The following RRM2 variants were observed in gnomAD, a reference collection of about 807,000 sequenced individuals.
RRM2 encodes ribonucleotide reductase regulatory subunit M2.
Under a neutral mutation model 45.9 loss-of-function variants are expected in RRM2, and 6 were observed. The observed-to-expected ratio is 0.13, with a 90% CI of 0.07 to 0.26. The LOEUF (loss-of-function observed/expected upper bound fraction) is 0.26, where lower values mean the gene tolerates loss of function less well. RRM2 is among the 10% of genes least tolerant of loss of function. The pLI is 1.00. For missense variants in RRM2, 343 were observed against 489.5 expected (o/e 0.70, Z 2.82); for synonymous variants, 177 against 173.0 (o/e 1.02, Z -0.18).
intron 3 of RRM2, among the ~76,000 whole-genome samples, chr2:10,162,811 G>T (rs1270659648): frequency 6.6e-6 from 1 of 152,208 alleles, no homozygotes; most frequent in Non-Finnish European, 1.5e-5. Context: ...CATTGCACTT[G>T]CTATTCACAT....
intron 3 of RRM2, among the ~76,000 whole-genome samples, chr2:10,151,805 G>T (rs1214194479): frequency 6.6e-6 from 1 of 152,158 alleles, no homozygotes; most frequent in Non-Finnish European, 1.5e-5. Flanking sequence ...CCCTCCGAGT[G>T]GGTGTCTAGT....
intron 3 of RRM2, among the ~76,000 whole-genome samples, chr2:10,145,041 T>C (rs572906251): frequency 6.6e-6 from 1 of 152,190 alleles, no homozygotes; most frequent in African/African-American, 2.4e-5. Flanking sequence ...GTAAGGGATC[T>C]GTAGGAGTCT....
intron 3 of RRM2, among the ~76,000 whole-genome samples, chr2:10,181,774 TTTTTTTTA>T (rs1459835237): frequency 0.021 from 2,281 of 108,172 alleles, 66 homozygotes; most frequent in African/African-American, 0.088. Flanking sequence ...TTTTTTTTTT[TTTTTTTTA>T]AGACAGGGTC....
chr2:10,199,794 A>C (rs867239150), intron 3 of RRM2, among the ~76,000 whole-genome samples: 37 of 111,202 alleles, frequency 3.3e-4, no homozygotes, highest in Non-Finnish European at 6.3e-4. Context: ...AAAAAAAAAA[A>C]AAAAAAAAAA....
chr2:10,177,516 A>G (rs186759540), intron 3 of RRM2, among the ~76,000 whole-genome samples: 81 of 152,272 alleles, frequency 5.3e-4, no homozygotes, highest in African/African-American at 1.7e-3. Flanking sequence ...TGTTGATTCA[A>G]TGTCCTCAGA....
intron 3 of RRM2, among the ~76,000 whole-genome samples, chr2:10,164,212 C>T (rs1663632770): frequency 6.6e-6 from 1 of 152,136 alleles, no homozygotes; most frequent in Non-Finnish European, 1.5e-5. Context: ...TAAAGAGAGG[C>T]AGCAGAGTGT....
intron 3 of RRM2, among the ~76,000 whole-genome samples, chr2:10,170,990 G>A (rs566748547): frequency 6.6e-6 from 1 of 152,360 alleles, no homozygotes; most frequent in Admixed American, 6.5e-5. Context: ...GGGGCTGCAA[G>A]CTCCTTTGAG....
At chr2:10,206,419 A>G (rs558524210) in intron 3 of RRM2, among the ~76,000 whole-genome samples, 23 of 152,330 alleles carry the variant, frequency 1.5e-4, no homozygotes, top group African/African-American at 5.5e-4. Flanking sequence ...CTAAACATCT[A>G]TTATGTGAAA....
chr2:10,141,921 G>C (rs775482985), exon 2 of RRM2: 2 of 1,578,334 alleles, frequency 1.3e-6, no homozygotes, highest in Admixed American at 3.7e-5. Flanking sequence ...ACGCCAGTGA[G>C]GGAGATGGAG....
chr2:10,160,631 C>CCCCTCTG lies in RRM2; in HGVS notation n.482+18259_482+18265dup, dbSNP rs148497552. Among the ~76,000 whole-genome samples, 1,131 of 152,316 alleles carry CCCCTCTG rather than the reference C, an allele frequency of 7.4e-3. 11 individuals carry two copies. The highest frequency in any genetic ancestry group is 0.026 in the African/African-American group (1,080 of 41,562). ...CACCATAGAGGTTTGGGTCCCCTCTCCCCTCTGCCTCTGCCCCAGGACCAC... is the reference window on the plus strand; with the variant it reads ...CACCATAGAGGTTTGGGTCCCCTCTCCCCTCTGCCCTCTGCCTCTGCCCCAGGACCAC... On this transcript the variant is annotated intron_variant and non_coding_transcript_variant, in intron 3 of 3. Coordinates refer to the RRM2 transcript ENST00000381786.
At chr2:10,192,200 C>T (rs1359375830) in intron 3 of RRM2, among the ~76,000 whole-genome samples, 1 of 152,218 alleles carries the variant, frequency 6.6e-6, no homozygotes, top group Non-Finnish European at 1.5e-5. Flanking sequence ...TCAGCCAAGG[C>T]TTTCTCAGCC....
In RRM2 at chr2:10,123,122, A is replaced by G. The variant is rs372299576; in HGVS notation, c.174+65A>G. 6.7e-6 allele frequency: 10 copies of G among 1,492,148 alleles called. No homozygotes were observed. The African/African-American group carries it at 1.2e-4, about 19-fold the overall frequency. 92.4% of individuals were successfully genotyped at this position (1,492,148 alleles called of 1,614,324 possible). A position where few individuals can be genotyped will look rare whatever the true frequency, so the allele number is the denominator to read the frequency against. On this transcript the variant is annotated intron_variant, in intron 2 of 9. Coordinates refer to ENST00000304567, the MANE Select transcript of RRM2 (RefSeq NM_001034.4). ...TTGGGCGTCTTGGCGCCAAAGCCGC[A>G]TTGTTTCCTCAGCTGTTCACACTCC...
At chr2:10,179,565 G>T (rs527915843) in intron 3 of RRM2, among the ~76,000 whole-genome samples, 2 of 152,326 alleles carry the variant, frequency 1.3e-5, no homozygotes, top group African/African-American at 2.4e-5. Flanking sequence ...ACACAAAAAT[G>T]CAGTTGCTGG....
Position 10,150,170 on chromosome 2 carries a change from G to A in RRM2, n.482+7795G>A, listed in dbSNP as rs559173099. ...CTCTACTAAAAACACAAAATTAGCC[G>A]GGCGTGGTGGTGCAAGCCTGTAATC... On this transcript the variant is annotated intron_variant and non_coding_transcript_variant, in intron 3 of 3. Coordinates refer to the RRM2 transcript ENST00000381786. Among the ~76,000 whole-genome samples, 5 of 152,038 alleles carry A rather than the reference G, an allele frequency of 3.3e-5. No individual in the cohort carries two copies. In the South Asian group the frequency reaches 8.3e-4, roughly 25 times the overall value.
intron 3 of RRM2, among the ~76,000 whole-genome samples, chr2:10,197,303 C>T (rs947907594): frequency 2.0e-5 from 3 of 152,202 alleles, no homozygotes; most frequent in South Asian, 2.1e-4. Flanking sequence ...CTGCAGCTGC[C>T]GGCTCCACGG....
rs1003046860 is a variant in RRM2, at chr2:10,205,141, A to G, written n.483-5170A>G. Among the ~76,000 whole-genome samples the G allele has an allele frequency of 5.9e-5, 9 of 152,106 alleles. No homozygotes were observed. The highest frequency in any genetic ancestry group is 2.2e-4 in the African/African-American group (9 of 41,396). On this transcript the variant is annotated intron_variant and non_coding_transcript_variant, in intron 3 of 3. Transcript: ENST00000381786. This position sits in a 1 kb window ranked among gnomAD's most constrained non-coding sequence, Gnocchi z 4.8. The stretch of plus-strand genomic sequence containing the variant: ...GTCTGCTTCACCCTGAATCTTGTCT[A>G]TTGTCCTGGCTAGTTCAGCTGGAGG...
In RRM2 at chr2:10,195,563, G is replaced by A. The variant is rs1027840043; in HGVS notation, n.483-14748G>A. 1.3e-5 allele frequency among the ~76,000 whole-genome samples: 2 copies of A among 152,172 alleles called. No individual in the cohort carries two copies. Among genetic ancestry groups the A allele is most frequent in the African/African-American group, 4.8e-5 (2 of 41,434 alleles). On this transcript the variant is annotated intron_variant and non_coding_transcript_variant, in intron 3 of 3. Coordinates refer to the RRM2 transcript ENST00000381786. The surrounding 1 kb of genome is among the most constrained non-coding windows in gnomAD (Gnocchi z 4.9). ...GGATGAGAGGGTGTGGGAGAGAGGAGCATCCCAGGCAAAGTGAGCCGCGTT... is the reference window on the plus strand; with the variant it reads ...GGATGAGAGGGTGTGGGAGAGAGGAACATCCCAGGCAAAGTGAGCCGCGTT...
At chr2:10,125,143 CTT>C (rs1662752566) in intron 5 of RRM2, among the ~76,000 whole-genome samples, 1 of 152,210 alleles carries the variant, frequency 6.6e-6, no homozygotes, top group African/African-American at 2.4e-5. Context: ...GTCTGACCAT[CTT>C]TGCTCATTTG....
At chr2:10,200,437 G>GAGGCCCACGGGGACCGCGCGCA in intron 3 of RRM2, among the ~76,000 whole-genome samples, 1 of 82,098 alleles carries the variant, frequency 1.2e-5, no homozygotes, top group African/African-American at 4.7e-5. Flanking sequence ...GACCGCGCGC[G>GAGGCCCACGGGGACCGCGCGCA]CAAAATATGA....
Sources: allele counts gnomAD v4.1 joint callset (sites outside exome capture counted in the v4.1 genomes callset), GRCh38; gene constraint gnomAD v4.1.1; non-coding constraint Gnocchi (gnomAD v3.1); transcripts MANE v1.5; gene names NCBI Gene and HGNC (gene_info 2026-07-23, HGNC 2026-07-21).